Variants in ADAMTS12 observed in about 807,000 individuals in gnomAD.
ADAMTS12 encodes the protein A disintegrin and metalloproteinase with thrombospondin motifs 12.
Under a neutral mutation model 167.8 loss-of-function variants are expected in ADAMTS12, and 118 were observed. That is an observed-to-expected ratio of 0.70 (90% CI 0.61 to 0.82). The LOEUF (loss-of-function observed/expected upper bound fraction) is 0.82, where lower values mean the gene tolerates loss of function less well. ADAMTS12 is among the 40% of genes least tolerant of loss of function. The pLI is 0.00. For missense variants in ADAMTS12, 1,916 were observed against 1,998.8 expected, an observed-to-expected ratio of 0.96 and a Z score of 0.79; for synonymous variants, 704 against 716.9, an observed-to-expected ratio of 0.98 and a Z score of 0.29.
chr5:33,783,783 AG>A (rs932116323), intron 2 of ADAMTS12, among the ~76,000 whole-genome samples: 1 of 151,956 alleles, frequency 6.6e-6, no homozygotes, highest in Non-Finnish European at 1.5e-5. Context: ...CCAATATTTA[AG>A]GAAAAAATAA....
In ADAMTS12 at chr5:33,867,532, G is replaced by A. The variant is rs185542924; in HGVS notation, c.489+13587C>T. On this transcript the variant is annotated intron_variant, in intron 2 of 23. Coordinates refer to ENST00000504830, the MANE Select transcript of ADAMTS12 (RefSeq NM_030955.4). ...ATGGTGTACACTAGTTGGGTGATGC[G>A]TGCACTAAAATCTCAGACTTCAACA... Among the ~76,000 whole-genome samples, 733 of 152,094 alleles carry A rather than the reference G, an allele frequency of 4.8e-3. 6 individuals carry two copies. The highest frequency in any genetic ancestry group is 0.017 in the African/African-American group (692 of 41,490).
chr5:33,630,910 T>C lies in ADAMTS12; in HGVS notation c.1892A>G (p.His631Arg). The change falls in exon 13 of 24, where the codon CAT becomes CGT. Residue 631 changes from histidine (H) to arginine (R), a missense_variant. His to Arg is a conservative substitution (Grantham distance 29). Coordinates refer to ENST00000504830, the MANE Select transcript of ADAMTS12 (RefSeq NM_030955.4). ...GGGTCGGCAGTAGAGCTCACAAGGA[T>C]GTGCTGAAGGGAAAAAAGAAGGCAA... is the stretch of plus-strand genomic sequence containing the variant. ...YHWFPIFNPA[H>R]PCELYCRPID... The C allele has an allele frequency of 6.2e-7, 1 of 1,612,484 alleles. No individual in the cohort carries two copies.
At chr5:33,579,465 T>C (rs420356) in intron 18 of ADAMTS12, among the ~76,000 whole-genome samples, 32,498 of 152,218 alleles carry the variant, frequency 0.21, 3,574 homozygotes, top group Non-Finnish European at 0.24. Context: ...TTTCTCTTCT[T>C]TCTCTTTTTC....
chr5:33,858,773 G>A (rs1749501549), intron 2 of ADAMTS12, among the ~76,000 whole-genome samples: 1 of 152,022 alleles, frequency 6.6e-6, no homozygotes, highest in Non-Finnish European at 1.5e-5. Context: ...GATCAATGCA[G>A]AAGGCAGGTG....
intron 2 of ADAMTS12, among the ~76,000 whole-genome samples, chr5:33,784,234 G>A (rs930926138): frequency 2.6e-5 from 4 of 151,852 alleles, no homozygotes; most frequent in African/African-American, 4.8e-5. Flanking sequence ...TTTAAAAAGT[G>A]TCTACAGCTA....
intron 2 of ADAMTS12, among the ~76,000 whole-genome samples, chr5:33,792,948 C>T (rs1746633417): frequency 6.6e-6 from 1 of 152,190 alleles, no homozygotes. Context: ...GAGCCTGTGT[C>T]CTCTGTTGTC....
At chr5:33,605,972 G>C (rs1415667324) in intron 16 of ADAMTS12, among the ~76,000 whole-genome samples, 1 of 151,874 alleles carries the variant, frequency 6.6e-6, no homozygotes, top group Non-Finnish European at 1.5e-5. Flanking sequence ...TTTTGAGATG[G>C]AGTCTCACTC....
At chr5:33,630,338 G>A (rs1739861474) in intron 13 of ADAMTS12, among the ~76,000 whole-genome samples, 2 of 152,146 alleles carry the variant, frequency 1.3e-5, no homozygotes, top group Admixed American at 1.3e-4. Context: ...AATCAGAAAC[G>A]TGTTTTGTAA....
At chr5:33,799,118 T>C (rs1017524298) in intron 2 of ADAMTS12, among the ~76,000 whole-genome samples, 4 of 152,122 alleles carry the variant, frequency 2.6e-5, no homozygotes, top group Non-Finnish European at 5.9e-5. Context: ...AGGCAGTAAG[T>C]GCCGTGCACT....
rs764838970 is a variant in ADAMTS12 at position 33,637,572 on chromosome 5, C to T, written c.1888+5G>A. 11 of 1,612,282 alleles carry T rather than the reference C, an allele frequency of 6.8e-6. No individual in the cohort carries two copies. Among genetic ancestry groups the T allele is most frequent in the Admixed American group, 1.7e-5 (1 of 59,942 alleles). ...GATCTGAGATACACCATTACAGCTC[C>T]TTACCTGGGTTAAAAATGGGAAACC... On this transcript the variant is annotated splice_donor_5th_base_variant and intron_variant, in intron 12 of 23. Transcript: ENST00000504830.
chr5:33,634,475 C>T (rs2112155564), intron 12 of ADAMTS12, among the ~76,000 whole-genome samples: 1 of 152,222 alleles, frequency 6.6e-6, no homozygotes, highest in African/African-American at 2.4e-5. Context: ...AACCCCAAAG[C>T]AAAAGGCATA....
intron 5 of ADAMTS12, among the ~76,000 whole-genome samples, chr5:33,664,958 T>C (rs546138616): frequency 6.6e-6 from 1 of 152,168 alleles, no homozygotes; most frequent in East Asian, 1.9e-4. Context: ...CCATTATATA[T>C]ATATGGAACA....
rs193254891 is a variant in ADAMTS12 at position 33,528,281 on chromosome 5, G to A, written c.4607-915C>T. Among the ~76,000 whole-genome samples the A allele has an allele frequency of 8.5e-5, 13 of 152,106 alleles. No homozygotes were observed. The East Asian group carries it at 2.5e-3, about 29-fold the overall frequency. ...AGGGGGCCCAGGGAGGAAACTTGGG[G>A]GTGGTAAGGAATAAAAGACTACATA... On this transcript the variant is annotated intron_variant, in intron 23 of 23. Coordinates refer to ENST00000504830, the MANE Select transcript of ADAMTS12 (RefSeq NM_030955.4).
At chr5:33,808,981 A>G (rs1747340886) in intron 2 of ADAMTS12, among the ~76,000 whole-genome samples, 1 of 152,194 alleles carries the variant, frequency 6.6e-6, no homozygotes, top group Admixed American at 6.5e-5. Context: ...TCAATTCTTT[A>G]GGGTTACCCA....
At chr5:33,735,604 T>C (rs548746270) in intron 3 of ADAMTS12, among the ~76,000 whole-genome samples, 4 of 152,166 alleles carry the variant, frequency 2.6e-5, no homozygotes, top group Admixed American at 2.0e-4. Context: ...ATCTAGACAC[T>C]AGACCAATTT....
chr5:33,723,350 C>T (rs1424391835), intron 3 of ADAMTS12, among the ~76,000 whole-genome samples: 2 of 152,114 alleles, frequency 1.3e-5, no homozygotes, highest in African/African-American at 4.8e-5. Context: ...TCCTGTGTAT[C>T]TCTCTAAGAC....
chr5:33,557,208 A>C (rs533988365), intron 20 of ADAMTS12, among the ~76,000 whole-genome samples: 30 of 152,310 alleles, frequency 2.0e-4, no homozygotes, highest in Non-Finnish European at 4.0e-4. Context: ...TCATCCTATG[A>C]GAATTAAAGT....
intron 2 of ADAMTS12, among the ~76,000 whole-genome samples, chr5:33,870,846 T>G (rs2111734116): frequency 6.6e-6 from 1 of 152,312 alleles, no homozygotes; most frequent in African/African-American, 2.4e-5. Context: ...TCTGGCTATA[T>G]AAGATGTGCC....
chr5:33,697,611 A>ACACAATAC (rs1343166684), intron 3 of ADAMTS12, among the ~76,000 whole-genome samples: 1 of 152,132 alleles, frequency 6.6e-6, no homozygotes, highest in East Asian at 1.9e-4. Context: ...AGATGCCCAG[A>ACACAATAC]CACAATACCA....
Sources: gnomAD v4.1 joint callset for allele counts (sites outside exome capture counted in the v4.1 genomes callset) on GRCh38, gnomAD v4.1.1 for gene constraint, MANE v1.5 for transcripts, NCBI Gene and HGNC (gene_info 2026-07-23, HGNC 2026-07-21) for gene names.